Variants in EYS observed in about 807,000 individuals in gnomAD.
The protein encoded by EYS is EGF-like photoreceptor maintenance factor, also known as protein eyes shut homolog.
A neutral mutation model predicts 282.1 loss-of-function variants in EYS; 250 were observed. That is an observed-to-expected ratio of 0.89 (90% CI 0.80 to 0.98). The LOEUF (loss-of-function observed/expected upper bound fraction) is 0.98. EYS is among the 50% of genes least tolerant of loss of function. The pLI, the probability that EYS is intolerant of heterozygous loss-of-function variation, is 0.00. For synonymous variants in EYS, 1,355 were observed against 1,282.9 expected, an observed-to-expected ratio of 1.06 and a Z score of -1.20; for missense variants, 4,016 against 3,709.0, an observed-to-expected ratio of 1.08 and a Z score of -2.15.
intron 22 of EYS, among the ~76,000 whole-genome samples, chr6:64,757,846 G>A (rs1387232609): frequency 6.6e-6 from 1 of 151,728 alleles, no homozygotes; most frequent in East Asian, 1.9e-4. Flanking sequence ...GTGCACTGGC[G>A]CGATCTCGGC....
intron 31 of EYS, among the ~76,000 whole-genome samples, chr6:64,105,033 G>GAA: frequency 6.6e-6 from 1 of 151,870 alleles, no homozygotes; most frequent in Non-Finnish European, 1.5e-5. Flanking sequence ...ATGAATGAAT[G>GAA]AGAGAGAGGG....
intron 40 of EYS, among the ~76,000 whole-genome samples, chr6:63,776,719 T>A (rs756656675): frequency 6.6e-6 from 1 of 152,146 alleles, no homozygotes; most frequent in Non-Finnish European, 1.5e-5. Flanking sequence ...GCTCTTAGGT[T>A]CAAACTGTTA....
At chr6:64,073,707 T>C (rs755862894) in intron 32 of EYS, among the ~76,000 whole-genome samples, 39 of 151,766 alleles carry the variant, frequency 2.6e-4, no homozygotes, top group Non-Finnish European at 5.2e-4. Flanking sequence ...ATATTAAATT[T>C]AGTTCAACAT....
intron 19 of EYS, among the ~76,000 whole-genome samples, chr6:64,828,426 G>T (rs1407451604): frequency 1.3e-5 from 2 of 151,876 alleles, no homozygotes; most frequent in East Asian, 1.9e-4. Flanking sequence ...TTGCTGTTTG[G>T]AGCATATATC....
At chr6:65,493,454 T>C (rs1192156580) in intron 4 of EYS, among the ~76,000 whole-genome samples, 3 of 152,216 alleles carry the variant, frequency 2.0e-5, no homozygotes, top group Non-Finnish European at 4.4e-5. Flanking sequence ...TATTTCTCTT[T>C]GTTAGATCAT....
intron 7 of EYS, among the ~76,000 whole-genome samples, chr6:65,397,045 T>C (rs1766303783): frequency 6.6e-6 from 1 of 151,884 alleles, no homozygotes; most frequent in Admixed American, 6.6e-5. Context: ...TCCTTTTAAA[T>C]CTCATGTTCT....
chr6:65,113,636 A>G (rs77466377), intron 12 of EYS, among the ~76,000 whole-genome samples: 2,020 of 152,154 alleles, frequency 0.013, 58 homozygotes, highest in African/African-American at 0.046. Flanking sequence ...TCTTCATGCC[A>G]TGTTCTTCTT....
chr6:65,351,336 G>A (rs549219031), intron 9 of EYS, among the ~76,000 whole-genome samples: 13 of 151,782 alleles, frequency 8.6e-5, no homozygotes, highest in African/African-American at 2.9e-4. Context: ...CAGTAATTCA[G>A]GAAGGAATAA....
At chr6:65,149,453 T>C (rs942413051) in intron 12 of EYS, among the ~76,000 whole-genome samples, 21 of 152,122 alleles carry the variant, frequency 1.4e-4, no homozygotes, top group African/African-American at 4.6e-4. Flanking sequence ...ACTATTAGCA[T>C]TTTGGTCAAA....
At chr6:64,520,485 G>A (rs553521967) in intron 26 of EYS, among the ~76,000 whole-genome samples, 1 of 151,810 alleles carries the variant, frequency 6.6e-6, no homozygotes, top group South Asian at 2.1e-4. Context: ...TAGGGGGCCT[G>A]AGCTACAGAA....
At chr6:65,659,637 TAA>T (rs1767937645) in intron 1 of EYS, among the ~76,000 whole-genome samples, 1 of 151,844 alleles carries the variant, frequency 6.6e-6, no homozygotes, top group Admixed American at 6.6e-5. Context: ...TAGGAGATAA[TAA>T]ATATCCTTAG....
chr6:65,241,626 C>T (rs1328375717), intron 12 of EYS, among the ~76,000 whole-genome samples: 2 of 151,996 alleles, frequency 1.3e-5, no homozygotes, highest in African/African-American at 4.8e-5. Flanking sequence ...AGCCTCCATC[C>T]ATGATATATT....
At chr6:64,562,582 A>G (rs1351080647) in intron 26 of EYS, among the ~76,000 whole-genome samples, 2 of 151,906 alleles carry the variant, frequency 1.3e-5, no homozygotes, top group African/African-American at 4.8e-5. Context: ...GAGGAAAGCA[A>G]TTATCCCATT....
intron 5 of EYS, among the ~76,000 whole-genome samples, chr6:65,471,903 A>C (rs1291017973): frequency 1.3e-5 from 2 of 152,126 alleles, no homozygotes; most frequent in African/African-American, 4.8e-5. Flanking sequence ...ACATATTTAA[A>C]AACTAAATAT....
chr6:65,322,313 C>T (rs1036790848), intron 11 of EYS, among the ~76,000 whole-genome samples: 2 of 152,026 alleles, frequency 1.3e-5, no homozygotes, highest in Non-Finnish European at 2.9e-5. Flanking sequence ...TGAAATGTAC[C>T]GATTAATAGC....
At chr6:64,391,352 A>G (rs1429423116) in intron 28 of EYS, among the ~76,000 whole-genome samples, 1 of 152,166 alleles carries the variant, frequency 6.6e-6, no homozygotes, top group African/African-American at 2.4e-5. Flanking sequence ...AATAAAGGAA[A>G]AAATGTTAAG....
chr6:64,822,628 C>A (rs753100802), intron 20 of EYS, 23 bp downstream of exon 20: 73 of 1,501,536 alleles, frequency 4.9e-5, no homozygotes, highest in Non-Finnish European at 6.2e-5. Context: ...TTTCATAAAG[C>A]TAATAATAAA....
chr6:64,835,124 T>C (rs1480795245), intron 19 of EYS, among the ~76,000 whole-genome samples: 2 of 151,774 alleles, frequency 1.3e-5, no homozygotes, highest in African/African-American at 4.8e-5. Context: ...CATAGTTTAA[T>C]TCCCCTGATG....
rs940411800 is a variant in EYS, at chr6:63,734,129, G to A, written c.8072-7449C>T. ...ACACTGGGAACTACAAAATCGGGAC[G>A]AGGCAGATGGGAGTAAGGGTTGAAA... On this transcript the variant is annotated intron_variant, in intron 41 of 42. Coordinates refer to ENST00000503581, the MANE Select transcript of EYS (RefSeq NM_001142800.2). Among the ~76,000 whole-genome samples, 4 of 152,082 alleles carry A rather than the reference G, an allele frequency of 2.6e-5. No individual in the cohort carries two copies. The East Asian group carries it at 5.8e-4, about 22-fold the overall frequency.
Sources: allele counts gnomAD v4.1 joint callset (sites outside exome capture counted in the v4.1 genomes callset), GRCh38; gene constraint gnomAD v4.1.1; transcripts MANE v1.5; gene names NCBI Gene and HGNC (gene_info 2026-07-23, HGNC 2026-07-21).